Variants in WDR89 observed in about 807,000 individuals in gnomAD.
WDR89 encodes WD repeat-containing protein 89.
In WDR89, 17 loss-of-function variants were observed where a neutral mutation model predicts 29.1. That is an observed-to-expected ratio of 0.58 (90% CI 0.40 to 0.88). WDR89 has a LOEUF of 0.88. WDR89 is among the 40% of genes least tolerant of loss of function. The probability of loss-of-function intolerance (pLI) is 0.00; values close to 1 mark genes in which losing one functional copy is unlikely to be tolerated. For missense variants in WDR89, 396 were observed against 456.3 expected (o/e 0.87, Z 1.20); for synonymous variants, 138 against 157.8 (o/e 0.87, Z 0.94).
chr14:63,635,518 A>G (rs139381968), intron 1 of WDR89, among the ~76,000 whole-genome samples: 10 of 152,366 alleles, frequency 6.6e-5, no homozygotes, highest in Non-Finnish European at 1.0e-4. Context: ...CACAGCCAAC[A>G]TAATACTGAA....
At chr14:63,613,645 G>T (rs1477043830) in intron 2 of WDR89, among the ~76,000 whole-genome samples, 1 of 151,558 alleles carries the variant, frequency 6.6e-6, no homozygotes, top group East Asian at 2.0e-4. Context: ...TAGGATTGCA[G>T]GTGCCCACCA....
intron 2 of WDR89, among the ~76,000 whole-genome samples, chr14:63,611,335 CAAAAAAA>C (rs769975882): frequency 8.7e-5 from 2 of 22,916 alleles, no homozygotes; most frequent in East Asian, 2.0e-3. Context: ...GGCCCTGTCG[CAAAAAAA>C]AAAAAAAAAA....
At chr14:63,601,735 G>C in intron 2 of WDR89, 1 of 1,473,258 alleles carries the variant, frequency 6.8e-7, no homozygotes, top group Admixed American at 1.7e-5. Flanking sequence ...CCATAACATG[G>C]AGGCACCAAA....
chr14:63,600,027 C>T (rs886884377), intron 2 of WDR89, 54 bp from the exon 3 acceptor site: 22 of 1,113,350 alleles, frequency 2.0e-5, no homozygotes, highest in African/African-American at 1.5e-4. Context: ...AAGGGAGACA[C>T]ATAAAAAAAT....
At chr14:63,640,452 A>G (rs1884032584) in intron 1 of WDR89, among the ~76,000 whole-genome samples, 1 of 151,982 alleles carries the variant, frequency 6.6e-6, no homozygotes, top group African/African-American at 2.4e-5. Context: ...CCTTGGTAAC[A>G]ATCGATTAAT....
intron 2 of WDR89, among the ~76,000 whole-genome samples, chr14:63,619,115 A>T (rs1252614512): frequency 6.6e-6 from 1 of 152,204 alleles, no homozygotes; most frequent in African/African-American, 2.4e-5. Context: ...AACGGTCGGC[A>T]GGTGGTGGGG....
chr14:63,625,647 G>A (rs1043161085), intron 1 of WDR89, among the ~76,000 whole-genome samples: 2 of 152,132 alleles, frequency 1.3e-5, no homozygotes, highest in African/African-American at 4.8e-5. Flanking sequence ...TTGGGTGCTG[G>A]TACCGATTTG....
rs148823538 is a variant in WDR89, at chr14:63,634,547, G to A, written c.-138+7257C>T. ...AAAAAAAAAAAAAGAGAAGTGAAGG[G>A]AGAAATATTCAGGGAAATAGATAGC... On this transcript the variant is annotated intron_variant, in intron 1 of 2. Transcript: ENST00000620954. Among the ~76,000 whole-genome samples the A allele has an allele frequency of 6.3e-3, 960 of 151,724 alleles. 13 individuals carry two copies. Among genetic ancestry groups the A allele is most frequent in the Middle Eastern group, 0.014 (4 of 290 alleles).
In WDR89 at chr14:63,597,661, T is replaced by G. The variant is rs977006203; in HGVS notation, c.*1118A>C. ...TTCTCCAGATATCTTTCAAACTAAT[T>G]TTTTTATTCACTAGATAGCACTGTC... On this transcript the variant is annotated 3_prime_UTR_variant, in exon 3 of 3. Transcript: ENST00000620954. The G allele has an allele frequency of 6.6e-6, 1 of 152,224 alleles. No homozygotes were observed. The highest frequency in any genetic ancestry group is 1.5e-5 in the Non-Finnish European group (1 of 68,046). The allele number at this position is 152,224 out of a possible 1,614,324, so 9.4% of individuals were successfully genotyped here.
rs1377773619 is a variant in WDR89, at chr14:63,597,999, C to T, written c.*780G>A. 6.6e-6 allele frequency: 1 copy of T among 152,116 alleles called. No homozygotes were observed. The highest frequency in any genetic ancestry group is 2.4e-5 in the African/African-American group (1 of 41,418). 9.4% of individuals were successfully genotyped at this position (152,116 alleles called of 1,614,324 possible). On this transcript the variant is annotated 3_prime_UTR_variant, in exon 3 of 3. Coordinates refer to ENST00000620954, the MANE Select transcript of WDR89 (RefSeq NM_080666.4). ...CGTTAGGAGGTGAAATGGCACAGGA[C>T]TTGGTGAAAAACTGGTTAGGAGAAG...
intron 1 of WDR89, among the ~76,000 whole-genome samples, chr14:63,639,358 A>C (rs1645496071): frequency 1.9e-5 from 2 of 103,978 alleles, no homozygotes; most frequent in Non-Finnish European, 3.7e-5. Flanking sequence ...CATCTCTACC[A>C]AAAAAAAAAA....
At chr14:63,621,103 A>T (rs1479769162) in intron 2 of WDR89, among the ~76,000 whole-genome samples, 1 of 152,134 alleles carries the variant, frequency 6.6e-6, no homozygotes, top group African/African-American at 2.4e-5. Flanking sequence ...ACATTTTTTT[A>T]AAAAGAATGT....
chr14:63,634,931 C>A (rs138465627), intron 1 of WDR89, among the ~76,000 whole-genome samples: 20 of 147,738 alleles, frequency 1.4e-4, no homozygotes, highest in African/African-American at 3.3e-4. Context: ...CCAGCTACTT[C>A]GAAGGCTGAG....
chr14:63,632,848 C>G (rs1883497617), intron 1 of WDR89, among the ~76,000 whole-genome samples: 2 of 152,166 alleles, frequency 1.3e-5, no homozygotes, highest in Admixed American at 6.5e-5. Context: ...ATGTCAGCCT[C>G]TGCACATGAA....
At chr14:63,605,955 T>C (rs886684412) in intron 2 of WDR89, among the ~76,000 whole-genome samples, 23 of 152,092 alleles carry the variant, frequency 1.5e-4, no homozygotes, top group Admixed American at 1.2e-3. Flanking sequence ...GACCACAAAA[T>C]TGATGATCCT....
intron 1 of WDR89, among the ~76,000 whole-genome samples, chr14:63,631,714 A>T (rs994480562): frequency 4.6e-5 from 7 of 152,122 alleles, no homozygotes; most frequent in African/African-American, 1.7e-4. Context: ...AGTTAACATT[A>T]GTGAAGCTTG....
At position 63,598,979 on chromosome 14, in the gene WDR89, C is replaced by G; in HGVS notation, c.964G>C (p.Ala322Pro). 6.2e-7 allele frequency: 1 copy of G among 1,614,196 alleles called. No homozygotes were observed. Among genetic ancestry groups the G allele is most frequent in the Non-Finnish European group, 8.5e-7 (1 of 1,180,020 alleles). The change falls in exon 3 of 3, where the codon GCT (alanine) becomes CCT (proline). Residue 322 changes from alanine (A) to proline (P), a missense_variant. Ala to Pro is a conservative substitution (Grantham distance 27). Transcript: ENST00000620954. Reference sequence around the variant, plus strand: ...TTCCAACAGAAAGAACGGACTGTAGCAGCATGCCCTCCCTGAAGGCTAGTC... The same window carrying G: ...TTCCAACAGAAAGAACGGACTGTAGGAGCATGCCCTCCCTGAAGGCTAGTC... ...HVTSLQGGHA[A>P]TVRSFCWNVQ... is the part of the protein sequence containing the mutation.
In WDR89 at chr14:63,599,606, AACCCTTG is replaced by A; in HGVS notation, c.330_336del (p.Lys111ThrfsTer38). On this transcript the variant is annotated frameshift_variant, in exon 3 of 3. Transcript: ENST00000620954. LOFTEE classifies it high-confidence loss of function. Reference sequence around the variant, plus strand: ...AAACTGATAAAAATATTGGAAGGGTAACCCTTGAAGAGCTGAACAGGTTTTTCTCTGG... The same window carrying A: ...AAACTGATAAAAATATTGGAAGGGTAAAGAGCTGAACAGGTTTTTCTCTGG... 1 of 1,614,176 alleles carries A rather than the reference AACCCTTG, an allele frequency of 6.2e-7. No homozygotes were observed. Among genetic ancestry groups the A allele is most frequent in the Non-Finnish European group, 8.5e-7 (1 of 1,180,012 alleles).
chr14:63,603,254 TTCTC>T (rs1424874698), intron 2 of WDR89, among the ~76,000 whole-genome samples: 2 of 151,462 alleles, frequency 1.3e-5, no homozygotes, highest in Non-Finnish European at 1.5e-5. Flanking sequence ...CACATTTGCT[TTCTC>T]TCTCTACACA....
Sources: allele counts gnomAD v4.1 joint callset (sites outside exome capture counted in the v4.1 genomes callset), GRCh38; gene constraint gnomAD v4.1.1; transcripts MANE v1.5; gene names NCBI Gene and HGNC (gene_info 2026-07-23, HGNC 2026-07-21).